Variants in EDEM1 observed in about 807,000 individuals in gnomAD.
EDEM1 encodes ER degradation enhancing alpha-mannosidase like protein 1, also known as ER degradation-enhancing alpha-mannosidase-like protein 1.
Under a neutral mutation model 74.4 loss-of-function variants are expected in EDEM1, and 67 were observed. The observed-to-expected ratio is 0.90, with a 90% CI of 0.74 to 1.10. The LOEUF is 1.10. Ranked by LOEUF, EDEM1 falls within the 50% of genes least tolerant of loss-of-function variation. The pLI is 0.00. For synonymous variants in EDEM1, 382 were observed against 335.9 expected (o/e 1.14, Z -1.50); for missense variants, 926 against 851.6 (o/e 1.09, Z -1.09).
At chr3:5,207,109 G>A in intron 6 of EDEM1, 44 bp from the exon 7 acceptor site, 3 of 1,609,448 alleles carry the variant, frequency 1.9e-6, no homozygotes, top group Non-Finnish European at 2.5e-6. Context: ...AGATCTGTCA[G>A]TGAGCTTTCT....
intron 1 of EDEM1, among the ~76,000 whole-genome samples, chr3:5,191,168 A>G (rs916632517): frequency 6.6e-6 from 1 of 152,234 alleles, no homozygotes; most frequent in African/African-American, 2.4e-5. Flanking sequence ...GCTTTGAAAC[A>G]GGAGGGTACT....
chr3:5,217,571 T>C lies in EDEM1; in HGVS notation c.*1653T>C. The C allele has an allele frequency of 6.6e-6, 1 of 152,670 alleles. No individual in the cohort carries two copies. The highest frequency in any genetic ancestry group is 1.5e-5 in the Non-Finnish European group (1 of 68,044). 9.5% of individuals were successfully genotyped at this position (152,670 alleles called of 1,614,324 possible). A position where few individuals can be genotyped will look rare whatever the true frequency, so the allele number is the denominator to read the frequency against. On this transcript the variant is annotated 3_prime_UTR_variant, in exon 12 of 12. Coordinates refer to ENST00000256497, the MANE Select transcript of EDEM1 (RefSeq NM_014674.3). ...TATATAGTTCAGTTCTTTGAGATTT[T>C]TGAAAAGAGTATTTTCAGTAATAAA...
intron 6 of EDEM1, among the ~76,000 whole-genome samples, chr3:5,206,768 TA>T (rs1429518686): frequency 6.6e-6 from 1 of 152,202 alleles, no homozygotes; most frequent in East Asian, 1.9e-4. Context: ...TGTAGGACAT[TA>T]CTAGAGAAGA....
intron 8 of EDEM1, 71 bp downstream of exon 8, chr3:5,208,334 A>G: frequency 2.6e-6 from 4 of 1,541,964 alleles, no homozygotes; most frequent in Non-Finnish European, 3.5e-6. Flanking sequence ...TTCTTAATGA[A>G]CATTTGCTGA....
intron 4 of EDEM1, 88 bp downstream of exon 4, chr3:5,202,012 G>A: frequency 1.4e-6 from 2 of 1,451,060 alleles, no homozygotes; most frequent in Non-Finnish European, 1.9e-6. Context: ...TTTGGGAGAA[G>A]GAATGGGATG....
In EDEM1 at chr3:5,207,245, C is replaced by G; in HGVS notation, c.1310C>G (p.Ser437Cys). The G allele has an allele frequency of 3.1e-6, 5 of 1,614,184 alleles. No individual in the cohort carries two copies. Among genetic ancestry groups the G allele is most frequent in the Non-Finnish European group, 4.2e-6 (5 of 1,180,018 alleles). ...SGQLMNTWID[S>C]LQAFFPGLQV... ...CAGCTGATGAACACCTGGATTGACT[C>G]TCTGCAGGCCTTTTTCCCTGGACTG... is the stretch of plus-strand genomic sequence containing the variant. The change falls in exon 7 of 12, where the codon TCT (serine) becomes TGT (cysteine). Residue 437 changes from serine to cysteine, a missense_variant. Physicochemically the swap from Ser to Cys is moderately radical, Grantham distance 112. Transcript: ENST00000256497.
At chr3:5,207,581 A>T (rs1460474213) in intron 7 of EDEM1, among the ~76,000 whole-genome samples, 1 of 152,182 alleles carries the variant, frequency 6.6e-6, no homozygotes. Flanking sequence ...ATCTTGGCTC[A>T]CTGCAACCTC....
Position 5,211,011 on chromosome 3 carries a change from G to A in EDEM1, c.1584-109G>A, listed in dbSNP as rs1399817930. ...CTCAATGTAAACATAGTTTCATATGGTGTTGGATGACTGGTTGATTATTCT... is the reference window on the plus strand; with the variant it reads ...CTCAATGTAAACATAGTTTCATATGATGTTGGATGACTGGTTGATTATTCT... On this transcript the variant is annotated intron_variant, in intron 9 of 11. Coordinates refer to ENST00000256497, the MANE Select transcript of EDEM1 (RefSeq NM_014674.3). The A allele has an allele frequency of 1.6e-5, 15 of 966,772 alleles. No homozygotes were observed. In the East Asian group the frequency reaches 3.8e-4, roughly 25 times the overall value. The allele number at this position is 966,772 out of a possible 1,614,324, so 59.9% of individuals were successfully genotyped here. A position where few individuals can be genotyped will look rare whatever the true frequency, so the allele number is the denominator to read the frequency against.
Position 5,202,818 on chromosome 3 carries a change from T to TCA in EDEM1, c.859-146_859-145dup, listed in dbSNP as rs1474751109. On this transcript the variant is annotated intron_variant, in intron 4 of 11. Transcript: ENST00000256497. ...TGTCTTTTAAATTTAATTCCCGTAT[T>TCA]CACCTCAGATGTATCTTGGAAGGCA... 4.9e-6 allele frequency: 3 copies of TCA among 606,162 alleles called. No homozygotes were observed. In the African/African-American group the frequency reaches 5.7e-5, roughly 12 times the overall value. The allele number at this position is 606,162 out of a possible 1,614,324, so 37.5% of individuals were successfully genotyped here.
At chr3:5,193,366 C>CT (rs1310793148) in intron 1 of EDEM1, among the ~76,000 whole-genome samples, 1 of 152,074 alleles carries the variant, frequency 6.6e-6, no homozygotes, top group Non-Finnish European at 1.5e-5. Context: ...CTTTTTGTAC[C>CT]TTTTTTGGCT....
In EDEM1 at chr3:5,199,682, G is replaced by A. The variant is rs768642110; in HGVS notation, c.673G>A (p.Glu225Lys). 1.2e-6 allele frequency: 2 copies of A among 1,613,072 alleles called. No individual in the cohort carries two copies. Among genetic ancestry groups the A allele is most frequent in the South Asian group, 2.2e-5 (2 of 90,920 alleles). ...CAAAGATTCCACCGTCCAAGTCTTT[G>A]AGGCCACGATAAGGTAAAATAATGA... ...FDKDSTVQVF[E>K]ATIRVLGSLL... The change falls in exon 3 of 12, where the codon GAG (glutamate) becomes AAG (lysine). Residue 225 changes from glutamate (E) to lysine (K), a missense_variant. Transcript: ENST00000256497.
At position 5,211,124 on chromosome 3, in the gene EDEM1, G is replaced by C; in HGVS notation, c.1588G>C (p.Gly530Arg). Residue 530 changes from glycine (G) to arginine (R), a missense_variant, in exon 10 of 12, where the codon GGG (glycine) becomes CGG (arginine). Physicochemically the swap from Gly to Arg is moderately radical, Grantham distance 125. Coordinates refer to ENST00000256497, the MANE Select transcript of EDEM1 (RefSeq NM_014674.3). ...GACCAGATGATTGTTTTGTAGGTGT[G>C]GGTACGCCACGCTGCATCACGTCAT... ...SLEKYTKVKC[G>R]YATLHHVIDK... 6.2e-7 allele frequency: 1 copy of C among 1,614,042 alleles called. No homozygotes were observed. The highest frequency in any genetic ancestry group is 8.5e-7 in the Non-Finnish European group (1 of 1,179,990).
chr3:5,212,387 C>G (rs907238179), intron 10 of EDEM1, among the ~76,000 whole-genome samples: 2 of 152,198 alleles, frequency 1.3e-5, no homozygotes, highest in Non-Finnish European at 2.9e-5. Context: ...CTCAGTTCTG[C>G]TAAATCAGGC....
rs1420655228 is a variant in EDEM1 at position 5,187,997 on chromosome 3, G to C, written c.192G>C (p.Gly64=). 6.6e-7 allele frequency: 1 copy of C among 1,512,168 alleles called. No homozygotes were observed. The allele number at this position is 1,512,168 out of a possible 1,614,324, so 93.7% of individuals were successfully genotyped here. A position where few individuals can be genotyped will look rare whatever the true frequency, so the allele number is the denominator to read the frequency against. ...SPTSGPVGRP[G]GVSGPSWLQP... Reference sequence around the variant, plus strand: ...CCTCGGGGCCCGTGGGCCGGCCTGGGGGGGTATCCGGGCCGTCGTGGCTGC... The same window carrying C: ...CCTCGGGGCCCGTGGGCCGGCCTGGCGGGGTATCCGGGCCGTCGTGGCTGC... The change falls in exon 1 of 12, where the codon GGG becomes GGC. Residue 64 remains glycine (G), a synonymous_variant. Transcript: ENST00000256497.
Position 5,213,409 on chromosome 3 carries a change from CG to C in EDEM1, c.1774del (p.Glu592AsnfsTer29), listed in dbSNP as rs760353821. 3.7e-6 allele frequency: 6 copies of C among 1,614,118 alleles called. No homozygotes were observed. The South Asian group carries it at 5.5e-5, about 15-fold the overall frequency. On this transcript the variant is annotated frameshift_variant, in exon 11 of 12. Transcript: ENST00000256497. LOFTEE classifies it high-confidence loss of function. Reference sequence around the variant, plus strand: ...CATTGTATCTGTGGATGAGCATCTTCGGGAATTGCCATGGAAGGAATTCTTC... The same window carrying C: ...CATTGTATCTGTGGATGAGCATCTTCGGAATTGCCATGGAAGGAATTCTTC... ...GHIVSVDEHL[R>X]ELPWKEFFSE...
At chr3:5,204,958 A>G (rs779988383) in intron 5 of EDEM1, 109 bp from the exon 6 acceptor site, 550 of 1,209,952 alleles carry the variant, frequency 4.5e-4, no homozygotes, top group Non-Finnish European at 5.8e-4. Context: ...CCTGTATGCC[A>G]AGGATAAAGG....
chr3:5,211,048 G>A (rs2055160881), intron 9 of EDEM1, 72 bp from the exon 10 acceptor site: 4 of 1,342,212 alleles, frequency 3.0e-6, no homozygotes, highest in African/African-American at 2.9e-5. Context: ...ATAAGAGAAT[G>A]TTTCTGCTTC....
intron 3 of EDEM1, 143 bp downstream of exon 3, chr3:5,199,838 G>T: frequency 1.8e-6 from 1 of 544,154 alleles, no homozygotes; most frequent in Admixed American, 3.6e-5. Context: ...CATTTTTCAT[G>T]TTCATATCTG....
chr3:5,207,506 TTTTG>T (rs1000595133), intron 7 of EDEM1, among the ~76,000 whole-genome samples: 21 of 152,128 alleles, frequency 1.4e-4, no homozygotes, highest in African/African-American at 4.6e-4. Flanking sequence ...TGATTTTTGT[TTTTG>T]TTTGTTTTTG....
Sources: gnomAD v4.1 joint callset for allele counts (sites outside exome capture counted in the v4.1 genomes callset) on GRCh38, gnomAD v4.1.1 for gene constraint, MANE v1.5 for transcripts, NCBI Gene and HGNC (gene_info 2026-07-23, HGNC 2026-07-21) for gene names.